Variants in THEMIS observed in about 807,000 individuals in gnomAD.
The protein encoded by THEMIS is protein THEMIS.
A neutral mutation model predicts 52.6 loss-of-function variants in THEMIS; 37 were observed. The observed-to-expected ratio is 0.70, with a 90% CI of 0.54 to 0.93. The LOEUF (loss-of-function observed/expected upper bound fraction) is 0.93. Ranked by LOEUF, THEMIS falls within the 40% of genes least tolerant of loss-of-function variation. THEMIS has a pLI of 0.00. For synonymous variants in THEMIS, 292 were observed against 272.7 expected, an observed-to-expected ratio of 1.07 and a Z score of -0.70; for missense variants, 808 against 763.1, an observed-to-expected ratio of 1.06 and a Z score of -0.69.
intron 1 of THEMIS, among the ~76,000 whole-genome samples, chr6:127,907,126 T>C (rs1193863735): frequency 6.6e-6 from 1 of 151,954 alleles, no homozygotes; most frequent in Non-Finnish European, 1.5e-5. Context: ...TTATTCTGAC[T>C]GGTATCTAAA....
At chr6:127,713,525 T>C (rs945094370) in intron 5 of THEMIS, among the ~76,000 whole-genome samples, 4 of 151,770 alleles carry the variant, frequency 2.6e-5, no homozygotes, top group African/African-American at 7.3e-5. Context: ...GTGGAGTAGG[T>C]GACCAATAAT....
intron 1 of THEMIS, among the ~76,000 whole-genome samples, chr6:127,910,484 A>G (rs1304891446): frequency 6.6e-6 from 1 of 152,182 alleles, no homozygotes; most frequent in Non-Finnish European, 1.5e-5. Context: ...ATCCATTCCC[A>G]CAACGTTATT....
At chr6:127,836,259 C>T (rs1403654496) in intron 2 of THEMIS, among the ~76,000 whole-genome samples, 1 of 151,990 alleles carries the variant, frequency 6.6e-6, no homozygotes, top group Non-Finnish European at 1.5e-5. Context: ...TTAAATGTAC[C>T]TAAGTAGCCA....
chr6:127,809,985 G>C (rs1315117013), intron 4 of THEMIS, among the ~76,000 whole-genome samples: 2 of 151,136 alleles, frequency 1.3e-5, no homozygotes, highest in East Asian at 3.9e-4. Context: ...ACTCAGAATT[G>C]AACACCAAGA....
chr6:127,755,991 C>T (rs1008692076), intron 4 of THEMIS, among the ~76,000 whole-genome samples: 6 of 151,744 alleles, frequency 4.0e-5, no homozygotes, highest in African/African-American at 1.5e-4. Context: ...CACACCACCG[C>T]ACTCCAGCCT....
chr6:127,841,140 A>G (rs1469096637), intron 2 of THEMIS, among the ~76,000 whole-genome samples: 1 of 152,056 alleles, frequency 6.6e-6, no homozygotes, highest in Non-Finnish European at 1.5e-5. Context: ...ACTACTTGCA[A>G]CAAATGTACC....
At chr6:127,864,087 G>C (rs1779896555) in intron 1 of THEMIS, among the ~76,000 whole-genome samples, 1 of 152,032 alleles carries the variant, frequency 6.6e-6, no homozygotes, top group Non-Finnish European at 1.5e-5. Context: ...TAATTGTCTT[G>C]ACAAGATAGG....
At chr6:127,847,434 A>C (rs1779257257) in intron 2 of THEMIS, among the ~76,000 whole-genome samples, 6 of 152,068 alleles carry the variant, frequency 3.9e-5, no homozygotes, top group Admixed American at 3.3e-4. Context: ...AATTTAGCAA[A>C]GTCTCAGGTT....
chr6:127,897,457 T>C (rs1026861032), intron 1 of THEMIS, among the ~76,000 whole-genome samples: 1 of 151,200 alleles, frequency 6.6e-6, no homozygotes, highest in Non-Finnish European at 1.5e-5. Context: ...CAAAAATGTA[T>C]AAAATTCAAC....
intron 4 of THEMIS, among the ~76,000 whole-genome samples, chr6:127,776,094 A>G (rs1417918538): frequency 6.6e-6 from 1 of 152,206 alleles, no homozygotes; most frequent in Non-Finnish European, 1.5e-5. Context: ...TTTTCTGTAT[A>G]ACTTTTTGTT....
chr6:127,840,264 T>C (rs181147736), intron 2 of THEMIS, among the ~76,000 whole-genome samples: 102 of 152,234 alleles, frequency 6.7e-4, no homozygotes, highest in East Asian at 6.0e-3. Flanking sequence ...ACAAATTGTA[T>C]AAATGGCCAT....
At chr6:127,765,983 T>C (rs995325098) in intron 4 of THEMIS, among the ~76,000 whole-genome samples, 2 of 152,156 alleles carry the variant, frequency 1.3e-5, no homozygotes, top group African/African-American at 4.8e-5. Context: ...AAATTTTTAT[T>C]GATTCTCAAC....
intron 1 of THEMIS, among the ~76,000 whole-genome samples, chr6:127,859,519 G>GTTATATTTTTGTTTCATTGTTGTTAT (rs1779726281): frequency 1.3e-5 from 2 of 152,072 alleles, no homozygotes; most frequent in African/African-American, 4.8e-5. Context: ...GATGATTAGT[G>GTTATATTTTTGTTTCATTGTTGTTAT]AATGTTGTTA....
intron 1 of THEMIS, 129 bp downstream of exon 1, chr6:127,900,713 T>C (rs1781110056): frequency 1.2e-6 from 1 of 801,388 alleles, no homozygotes; most frequent in Non-Finnish European, 2.1e-6. Context: ...AGTTCATTAC[T>C]TTCTTTTGTG....
At chr6:127,789,424 A>G (rs545001897) in intron 4 of THEMIS, among the ~76,000 whole-genome samples, 20 of 152,224 alleles carry the variant, frequency 1.3e-4, no homozygotes, top group Non-Finnish European at 2.5e-4. Context: ...AGATGGATTC[A>G]CAGCTGAATT....
At chr6:127,763,949 C>T (rs1467826181) in intron 4 of THEMIS, among the ~76,000 whole-genome samples, 3 of 151,744 alleles carry the variant, frequency 2.0e-5, no homozygotes, top group Admixed American at 2.0e-4. Context: ...CATTATATTA[C>T]TATCGAAGAG....
intron 4 of THEMIS, among the ~76,000 whole-genome samples, chr6:127,804,234 C>T (rs1777628098): frequency 6.6e-6 from 1 of 152,000 alleles, no homozygotes; most frequent in African/African-American, 2.4e-5. Flanking sequence ...ATCAGGAAGG[C>T]ATAATATTGC....
intron 4 of THEMIS, among the ~76,000 whole-genome samples, chr6:127,812,224 T>C (rs1777932234): frequency 6.6e-6 from 1 of 152,318 alleles, no homozygotes; most frequent in South Asian, 2.1e-4. Flanking sequence ...GAAATGAAGC[T>C]GAATCACCCT....
At chr6:127,735,938 A>C (rs1774990061) in intron 4 of THEMIS, among the ~76,000 whole-genome samples, 1 of 152,182 alleles carries the variant, frequency 6.6e-6, no homozygotes, top group South Asian at 2.1e-4. Context: ...AAACTACATA[A>C]ATTACTTTTG....
Sources: allele counts gnomAD v4.1 joint callset (sites outside exome capture counted in the v4.1 genomes callset), GRCh38; gene constraint gnomAD v4.1.1; transcripts MANE v1.5; gene names NCBI Gene and HGNC (gene_info 2026-07-23, HGNC 2026-07-21).